The following PPFIA2 variants were observed in gnomAD, a reference collection of about 807,000 sequenced individuals.
The protein encoded by PPFIA2 is PPFI scaffold protein A2, also known as liprin-alpha-2.
PPFIA2 carries 46 observed loss-of-function variants against 175.5 expected under a neutral mutation model. The ratio of observed to expected loss-of-function variants is 0.26; its 90% CI spans 0.21 to 0.34. PPFIA2 has a LOEUF of 0.34. Ranked by LOEUF, PPFIA2 falls within the 10% of genes least tolerant of loss-of-function variation. The pLI is 1.00. For synonymous variants in PPFIA2, 568 were observed against 511.4 expected (o/e 1.11, Z -1.49); for missense variants, 1,179 against 1,506.1 (o/e 0.78, Z 3.60).
intron 4 of PPFIA2, among the ~76,000 whole-genome samples, chr12:81,655,539 T>G (rs2067661563): frequency 6.6e-6 from 1 of 152,018 alleles, no homozygotes; most frequent in Non-Finnish European, 1.5e-5. Context: ...CTTGAATTAT[T>G]TTTTGGCCAA....
chr12:81,393,462 A>G (rs1384834760), intron 8 of PPFIA2, among the ~76,000 whole-genome samples: 1 of 152,108 alleles, frequency 6.6e-6, no homozygotes, highest in African/African-American at 2.4e-5. Flanking sequence ...ATATAAGTCA[A>G]GTAGGCTCCC....
At chr12:81,628,042 T>C (rs1170586995) in intron 4 of PPFIA2, among the ~76,000 whole-genome samples, 1 of 152,174 alleles carries the variant, frequency 6.6e-6, no homozygotes, top group Non-Finnish European at 1.5e-5. Context: ...ATTTATTAAT[T>C]TTTAAACCAT....
In PPFIA2 at chr12:81,282,501, C is replaced by T. The variant is rs551251829; in HGVS notation, c.3018+509G>A. On this transcript the variant is annotated intron_variant, in intron 26 of 32. Transcript: ENST00000549396. The stretch of plus-strand genomic sequence containing the variant: ...GTAGAAAAAATGCACAGCTTCCTTG[C>T]AAAAGTATATGTCTGTTCCAAGTAT... Among the ~76,000 whole-genome samples the T allele has an allele frequency of 3.9e-5, 6 of 152,188 alleles. No individual in the cohort carries two copies. The South Asian group carries it at 1.2e-3, about 32-fold the overall frequency.
chr12:81,656,386 T>A (rs1219658623), intron 4 of PPFIA2, among the ~76,000 whole-genome samples: 4 of 152,172 alleles, frequency 2.6e-5, no homozygotes, highest in Non-Finnish European at 4.4e-5. Flanking sequence ...TAGAGAATGG[T>A]GATTTAAATT....
chr12:81,399,859 A>C (rs2041832426), intron 8 of PPFIA2, among the ~76,000 whole-genome samples: 1 of 152,188 alleles, frequency 6.6e-6, no homozygotes, highest in Non-Finnish European at 1.5e-5. Context: ...CTGTGAGTGC[A>C]ATCCATTTGT....
chr12:81,621,205 C>G (rs1251837205), intron 4 of PPFIA2, among the ~76,000 whole-genome samples: 1 of 152,008 alleles, frequency 6.6e-6, no homozygotes, highest in Non-Finnish European at 1.5e-5. Flanking sequence ...GCTCAAAGAG[C>G]ATAACAGGCA....
intron 3 of PPFIA2, among the ~76,000 whole-genome samples, chr12:81,738,935 T>C (rs1194144701): frequency 1.3e-5 from 2 of 151,836 alleles, no homozygotes; most frequent in Non-Finnish European, 2.9e-5. Context: ...TCTAATACTA[T>C]TACTACTAGT....
intron 4 of PPFIA2, among the ~76,000 whole-genome samples, chr12:81,607,156 G>A (rs2060410596): frequency 1.3e-5 from 2 of 151,890 alleles, no homozygotes; most frequent in South Asian, 4.1e-4. Flanking sequence ...TTTCTATTCT[G>A]TTCTATTGGT....
chr12:81,669,658 A>G (rs1477744638), intron 4 of PPFIA2, among the ~76,000 whole-genome samples: 7 of 152,002 alleles, frequency 4.6e-5, no homozygotes, highest in Admixed American at 3.9e-4. Context: ...ACAGCATGGC[A>G]CAAAGAAGGA....
intron 4 of PPFIA2, among the ~76,000 whole-genome samples, chr12:81,665,678 A>G (rs957918640): frequency 6.6e-6 from 1 of 152,038 alleles, no homozygotes; most frequent in Non-Finnish European, 1.5e-5. Flanking sequence ...CCATCTTGTA[A>G]AAGATCCTGT....
In PPFIA2 at chr12:81,642,818, ATG is replaced by A. The variant is rs2065469980; in HGVS notation, c.303+33971_303+33972del. 1.3e-4 allele frequency among the ~76,000 whole-genome samples: 14 copies of A among 110,470 alleles called. 4 individuals are homozygous for A. Among genetic ancestry groups the A allele is most frequent in the African/African-American group, 4.3e-4 (12 of 27,964 alleles). 72.5% of individuals were successfully genotyped at this position (110,470 alleles called of 152,430 possible). On this transcript the variant is annotated intron_variant, in intron 4 of 32. Coordinates refer to ENST00000549396, the MANE Select transcript of PPFIA2 (RefSeq NM_003625.5). ...GTATATGTATGTATGTATTACATAC[ATG>A]TATATGTATGTATGTATTACATACA...
At chr12:81,670,698 A>G (rs1307280066) in intron 4 of PPFIA2, among the ~76,000 whole-genome samples, 4 of 151,880 alleles carry the variant, frequency 2.6e-5, no homozygotes, top group African/African-American at 9.7e-5. Context: ...GATTTTACCT[A>G]AATTACTCTA....
At chr12:81,368,580 T>A (rs2034218421) in intron 13 of PPFIA2, 145 bp downstream of exon 13, 2 of 844,364 alleles carry the variant, frequency 2.4e-6, no homozygotes, top group East Asian at 5.4e-5. Flanking sequence ...AAATAAAAAA[T>A]ATGCATTCCT....
chr12:81,622,923 A>G (rs1054021348), intron 4 of PPFIA2, among the ~76,000 whole-genome samples: 1 of 152,154 alleles, frequency 6.6e-6, no homozygotes, highest in Non-Finnish European at 1.5e-5. Context: ...TATAGTCCAG[A>G]AGAAAATTAA....
intron 4 of PPFIA2, among the ~76,000 whole-genome samples, chr12:81,635,090 T>C (rs2063830300): frequency 2.0e-5 from 3 of 152,222 alleles, no homozygotes; most frequent in African/African-American, 7.2e-5. Flanking sequence ...ATGAAAGTGT[T>C]TGCATTTTAT....
chr12:81,636,708 A>T (rs1294232911), intron 4 of PPFIA2, among the ~76,000 whole-genome samples: 1 of 152,132 alleles, frequency 6.6e-6, no homozygotes, highest in Non-Finnish European at 1.5e-5. Context: ...GCTGGAGTAC[A>T]GTGGCGCAAG....
chr12:81,710,674 T>C (rs544677276), intron 3 of PPFIA2, among the ~76,000 whole-genome samples: 4 of 152,158 alleles, frequency 2.6e-5, no homozygotes, highest in Non-Finnish European at 5.9e-5. Context: ...ATGTTTCATA[T>C]ACATCTTATA....
At chr12:81,579,131 AT>A (rs2074031796) in intron 4 of PPFIA2, among the ~76,000 whole-genome samples, 1 of 151,732 alleles carries the variant, frequency 6.6e-6, no homozygotes, top group Non-Finnish European at 1.5e-5. Flanking sequence ...CTAATATTAC[AT>A]TTTTTGTATC....
At chr12:81,580,151 A>T (rs1389310626) in intron 4 of PPFIA2, among the ~76,000 whole-genome samples, 1 of 151,914 alleles carries the variant, frequency 6.6e-6, no homozygotes, top group Non-Finnish European at 1.5e-5. Context: ...GATATTAATA[A>T]AATAGTACTG....
Sources: gnomAD v4.1 joint callset for allele counts (sites outside exome capture counted in the v4.1 genomes callset) on GRCh38, gnomAD v4.1.1 for gene constraint, MANE v1.5 for transcripts, NCBI Gene and HGNC (gene_info 2026-07-23, HGNC 2026-07-21) for gene names.